The following RIN3 variants were observed in gnomAD, a reference collection of about 807,000 sequenced individuals.
The protein encoded by RIN3 is Ras and Rab interactor 3.
In RIN3, 54 loss-of-function variants were observed where a neutral mutation model predicts 76.3. The observed-to-expected ratio is 0.71, with a 90% CI of 0.57 to 0.89. RIN3 has a LOEUF of 0.89. Among genes scored for constraint, RIN3 ranks in the 40% least tolerant of loss-of-function variants. RIN3 has a pLI of 0.00. For synonymous variants in RIN3, 576 were observed against 564.0 expected (o/e 1.02, Z -0.30); for missense variants, 1,256 against 1,322.1 (o/e 0.95, Z 0.78).
intron 4 of RIN3, among the ~76,000 whole-genome samples, chr14:92,631,767 A>AT (rs1004664986): frequency 4.0e-5 from 6 of 151,714 alleles, no homozygotes; most frequent in South Asian, 2.1e-4. Context: ...CCCCCAGCTA[A>AT]TTTTTTTTGT....
chr14:92,636,256 G>A (rs370425740), intron 4 of RIN3, among the ~76,000 whole-genome samples: 35 of 152,138 alleles, frequency 2.3e-4, no homozygotes, highest in African/African-American at 7.7e-4. Context: ...GGGAAAGAGA[G>A]AGAGAAAGAA....
At position 92,652,726 on chromosome 14, in the gene RIN3, G is replaced by A; in HGVS notation, c.1677G>A (p.Leu559=). The change falls in exon 6 of 10, where the codon CTG becomes CTA. Residue 559 remains leucine, a synonymous_variant. Coordinates refer to ENST00000216487, the MANE Select transcript of RIN3 (RefSeq NM_024832.5). The surrounding 1 kb of genome is among the most constrained non-coding windows in gnomAD (Gnocchi z 6.4). ...SYSTSSTEEE[L]EQFSSPSVKK... ...CCACCAGCAGCACGGAGGAGGAGCTGGAGCAGTTCAGCAGCCCCAGCGTGA... is the reference window on the plus strand; with the variant it reads ...CCACCAGCAGCACGGAGGAGGAGCTAGAGCAGTTCAGCAGCCCCAGCGTGA... The A allele has an allele frequency of 6.2e-7, 1 of 1,613,770 alleles. No individual in the cohort carries two copies. Among genetic ancestry groups the A allele is most frequent in the Non-Finnish European group, 8.5e-7 (1 of 1,180,032 alleles).
chr14:92,640,350 A>T (rs369884183), intron 4 of RIN3, among the ~76,000 whole-genome samples: 1 of 32,442 alleles, frequency 3.1e-5, no homozygotes, highest in Non-Finnish European at 5.7e-5. Context: ...CTGTGTGTTC[A>T]TCGGGGGCTG....
chr14:92,599,387 A>G (rs1885264205), intron 3 of RIN3, among the ~76,000 whole-genome samples: 1 of 152,092 alleles, frequency 6.6e-6, no homozygotes, highest in Non-Finnish European at 1.5e-5. Flanking sequence ...TGCCCCAGAC[A>G]TATTTAGGAG....
intron 8 of RIN3, among the ~76,000 whole-genome samples, chr14:92,678,476 C>T (rs2140172086): frequency 8.2e-6 from 1 of 122,594 alleles, no homozygotes. Flanking sequence ...CATCCACCCA[C>T]CCACCCACCC....
chr14:92,545,106 G>T (rs1259815500), intron 1 of RIN3, among the ~76,000 whole-genome samples: 14 of 82,168 alleles, frequency 1.7e-4, no homozygotes, highest in South Asian at 4.5e-4. Flanking sequence ...ACTTTCTGGT[G>T]TTTTTTTTTT....
At chr14:92,621,932 A>G (rs1313480879) in intron 4 of RIN3, among the ~76,000 whole-genome samples, 1 of 152,232 alleles carries the variant, frequency 6.6e-6, no homozygotes, top group Non-Finnish European at 1.5e-5. Context: ...AATGAAGGCT[A>G]TGAACCAAAA....
chr14:92,534,360 A>G (rs1432016849), intron 1 of RIN3, among the ~76,000 whole-genome samples: 6 of 151,184 alleles, frequency 4.0e-5, no homozygotes, highest in Non-Finnish European at 8.8e-5. Context: ...TGGGCGGATC[A>G]CTTGAGGTCA....
chr14:92,547,077 A>T lies in RIN3; in HGVS notation c.45-8674A>T, dbSNP rs1897288267. Among the ~76,000 whole-genome samples, 6 of 102,146 alleles carry T rather than the reference A, an allele frequency of 5.9e-5. 1 individual carries two copies. Among genetic ancestry groups the T allele is most frequent in the South Asian group, 6.4e-4 (2 of 3,116 alleles). The allele number at this position is 102,146 out of a possible 152,430, so 67.0% of individuals were successfully genotyped here. ...TAAAATAAATTATATTTTATTTTAT[A>T]TTATATTATATTATATTATAATTAA... On this transcript the variant is annotated intron_variant, in intron 1 of 9. Transcript: ENST00000216487.
intron 7 of RIN3, among the ~76,000 whole-genome samples, chr14:92,666,650 A>G (rs1284652028): frequency 1.3e-5 from 2 of 152,186 alleles, no homozygotes; most frequent in Admixed American, 6.5e-5. Context: ...CTCTTCTATT[A>G]CTTTGACAAA....
At chr14:92,565,837 G>A (rs1357403169) in intron 2 of RIN3, among the ~76,000 whole-genome samples, 2 of 152,068 alleles carry the variant, frequency 1.3e-5, no homozygotes, top group Admixed American at 1.3e-4. Flanking sequence ...CTGACCTCCT[G>A]TCTTATCCTG....
At chr14:92,610,983 G>A (rs921902028) in intron 3 of RIN3, among the ~76,000 whole-genome samples, 1 of 152,202 alleles carries the variant, frequency 6.6e-6, no homozygotes, top group African/African-American at 2.4e-5. Context: ...TCACAGTGAT[G>A]TTTATGAGGT....
intron 8 of RIN3, among the ~76,000 whole-genome samples, chr14:92,678,717 C>T (rs1888566248): frequency 6.6e-6 from 1 of 152,174 alleles, no homozygotes; most frequent in South Asian, 2.1e-4. Context: ...CACTCATCCA[C>T]CCACCCATTT....
chr14:92,577,578 G>A (rs559310056), intron 3 of RIN3, 101 bp downstream of exon 3: 1 of 665,234 alleles, frequency 1.5e-6, no homozygotes, highest in East Asian at 2.9e-5. Flanking sequence ...TGCACTGATG[G>A]TGTTTAAAAT....
intron 3 of RIN3, among the ~76,000 whole-genome samples, chr14:92,579,023 G>A (rs145784317): frequency 1.2e-4 from 18 of 151,988 alleles, no homozygotes; most frequent in Non-Finnish European, 2.5e-4. Flanking sequence ...CGCCTCCCGG[G>A]TTCAAGCGAT....
chr14:92,619,530 C>T (rs1291352964), intron 4 of RIN3, among the ~76,000 whole-genome samples: 1 of 150,840 alleles, frequency 6.6e-6, no homozygotes, highest in Non-Finnish European at 1.5e-5. Flanking sequence ...ATCTCTGCCT[C>T]CCAGGTTCAC....
At chr14:92,552,060 G>A (rs943763445) in intron 1 of RIN3, among the ~76,000 whole-genome samples, 2 of 152,228 alleles carry the variant, frequency 1.3e-5, no homozygotes, top group Admixed American at 6.5e-5. Context: ...GTGATGGAGT[G>A]GAGCCCTTTG....
chr14:92,634,916 G>T (rs1016137742), intron 4 of RIN3, among the ~76,000 whole-genome samples: 2 of 151,556 alleles, frequency 1.3e-5, no homozygotes, highest in Non-Finnish European at 2.9e-5. Flanking sequence ...AGGGACTCTT[G>T]GTTGGAAACC....
intron 7 of RIN3, among the ~76,000 whole-genome samples, chr14:92,661,758 C>CACACACAAAAAA (rs373869994): frequency 6.4e-4 from 85 of 133,276 alleles, no homozygotes; most frequent in Middle Eastern, 3.9e-3. Flanking sequence ...CACACACACA[C>CACACACAAAAAA]AAAAAATAGA....
Sources: allele counts gnomAD v4.1 joint callset (sites outside exome capture counted in the v4.1 genomes callset), GRCh38; gene constraint gnomAD v4.1.1; non-coding constraint Gnocchi (gnomAD v3.1); transcripts MANE v1.5; gene names NCBI Gene and HGNC (gene_info 2026-07-23, HGNC 2026-07-21).